Variants in CNNM2 observed in about 807,000 individuals in gnomAD.
CNNM2 encodes cyclin and CBS domain divalent metal cation transport mediator 2.
In CNNM2, 12 loss-of-function variants were observed where a neutral mutation model predicts 66.9. The ratio of observed to expected loss-of-function variants is 0.18; its 90% CI spans 0.11 to 0.29. The LOEUF (loss-of-function observed/expected upper bound fraction) is 0.29, where lower values mean the gene tolerates loss of function less well. CNNM2 is among the 10% of genes least tolerant of loss of function. CNNM2 has a pLI of 1.00. For missense variants in CNNM2, 705 were observed against 1,167.7 expected (o/e 0.60, Z 5.77); for synonymous variants, 557 against 501.8 (o/e 1.11, Z -1.47).
intron 2 of CNNM2, among the ~76,000 whole-genome samples, chr10:103,052,189 G>A (rs985599252): frequency 1.3e-5 from 2 of 151,060 alleles, no homozygotes; most frequent in African/African-American, 4.9e-5. Context: ...GCTGAGGCAG[G>A]AGAATCACTT....
At chr10:102,991,813 A>C (rs75810873) in intron 1 of CNNM2, among the ~76,000 whole-genome samples, 3 of 152,186 alleles carry the variant, frequency 2.0e-5, no homozygotes, top group African/African-American at 7.2e-5. Flanking sequence ...AGATGCTTCT[A>C]AGTGCTTGAG....
intron 1 of CNNM2, among the ~76,000 whole-genome samples, chr10:103,013,940 A>G (rs1215600122): frequency 6.6e-6 from 1 of 152,232 alleles, no homozygotes; most frequent in Non-Finnish European, 1.5e-5. Context: ...ATGAGCTCTC[A>G]TCGTCTAATC....
At chr10:103,028,848 A>C (rs1302794561) in intron 1 of CNNM2, among the ~76,000 whole-genome samples, 3 of 114,360 alleles carry the variant, frequency 2.6e-5, no homozygotes, top group Non-Finnish European at 5.0e-5. Flanking sequence ...TTTTTGAGAC[A>C]GTCTCGCTGT....
At chr10:103,055,712 T>G (rs2065283734) in intron 3 of CNNM2, among the ~76,000 whole-genome samples, 1 of 152,282 alleles carries the variant, frequency 6.6e-6, no homozygotes, top group Non-Finnish European at 1.5e-5. Context: ...CATAAATACA[T>G]AATTAGAAAA....
rs1321440577 is a variant in CNNM2, at chr10:102,929,914, T to G, written c.1621+9813T>G. Among the ~76,000 whole-genome samples the G allele has an allele frequency of 5.3e-4, 80 of 152,172 alleles. 1 individual carries two copies. Among genetic ancestry groups the G allele is most frequent in the Non-Finnish European group, 2.9e-5 (2 of 68,032 alleles). On this transcript the variant is annotated intron_variant, in intron 1 of 7. Transcript: ENST00000369878. The stretch of plus-strand genomic sequence containing the variant: ...CTGATTGCATAAAAAGTATAAAAAA[T>G]GGTAATGCCTAATATAGCAAGTTTG...
chr10:103,005,475 C>T (rs2064207044), intron 1 of CNNM2, among the ~76,000 whole-genome samples: 1 of 150,700 alleles, frequency 6.6e-6, no homozygotes, highest in South Asian at 2.1e-4. Context: ...ATGGTGAAAC[C>T]CCGTCTCTGC....
At chr10:102,983,611 T>A (rs1247156082) in intron 1 of CNNM2, among the ~76,000 whole-genome samples, 3 of 152,032 alleles carry the variant, frequency 2.0e-5, no homozygotes, top group East Asian at 1.9e-4. Flanking sequence ...GCTAGTTTTT[T>A]AAATTTTTGT....
chr10:102,972,650 C>A (rs2063564183), intron 1 of CNNM2, among the ~76,000 whole-genome samples: 1 of 151,980 alleles, frequency 6.6e-6, no homozygotes. Flanking sequence ...AAAAAAGCTC[C>A]CTGATTCTGA....
chr10:103,049,619 G>C (rs1212304764), intron 1 of CNNM2, 88 bp from the exon 2 acceptor site: 1 of 1,206,382 alleles, frequency 8.3e-7, no homozygotes, highest in East Asian at 2.4e-5. Context: ...CGACATCTGT[G>C]TTTGCTGGTG....
intron 4 of CNNM2, among the ~76,000 whole-genome samples, chr10:103,068,030 C>T (rs2065510973): frequency 6.6e-6 from 1 of 152,224 alleles, no homozygotes; most frequent in African/African-American, 2.4e-5. Flanking sequence ...CCATGTCGGC[C>T]CTTGACCCTG....
At chr10:103,006,097 C>T (rs2064220770) in intron 1 of CNNM2, among the ~76,000 whole-genome samples, 1 of 152,176 alleles carries the variant, frequency 6.6e-6, no homozygotes, top group African/African-American at 2.4e-5. Flanking sequence ...TGTTTGGGAC[C>T]TGCAGTTGAA....
chr10:102,982,634 T>G (rs902375751), intron 1 of CNNM2, among the ~76,000 whole-genome samples: 7 of 152,218 alleles, frequency 4.6e-5, no homozygotes, highest in African/African-American at 7.2e-5. Context: ...TTTGTGGCTT[T>G]AGGGCTTTCC....
intron 1 of CNNM2, among the ~76,000 whole-genome samples, chr10:103,017,095 A>G (rs958441298): frequency 6.6e-6 from 1 of 151,998 alleles, no homozygotes; most frequent in African/African-American, 2.4e-5. Flanking sequence ...AGGCCCAACA[A>G]TACTTGGAAA....
intron 1 of CNNM2, among the ~76,000 whole-genome samples, chr10:103,000,081 C>A (rs1200514870): frequency 6.6e-6 from 1 of 151,862 alleles, no homozygotes; most frequent in Non-Finnish European, 1.5e-5. Context: ...ACTAAAAATA[C>A]AAAAATTAGT....
intron 4 of CNNM2, among the ~76,000 whole-genome samples, chr10:103,065,667 T>C (rs1243647553): frequency 6.6e-6 from 1 of 152,156 alleles, no homozygotes; most frequent in Non-Finnish European, 1.5e-5. Flanking sequence ...GAAGTCACCA[T>C]GAGGCTCCAC....
At chr10:103,059,701 A>G (rs553669414) in intron 4 of CNNM2, among the ~76,000 whole-genome samples, 2 of 152,348 alleles carry the variant, frequency 1.3e-5, no homozygotes, top group South Asian at 2.1e-4. Flanking sequence ...AAATAGGAAC[A>G]TGATTTTGGT....
At chr10:102,953,761 A>G (rs963228839) in intron 1 of CNNM2, among the ~76,000 whole-genome samples, 1 of 150,604 alleles carries the variant, frequency 6.6e-6, no homozygotes, top group African/African-American at 2.5e-5. Context: ...GGGTTTTGTC[A>G]TGCTGGCTAG....
In CNNM2 at chr10:102,919,275, G is replaced by T. The variant is rs1260560916; in HGVS notation, c.795G>T (p.Leu265=). ...FWLQVIFISL[L]LCLSGMFSGL... Reference sequence around the variant, plus strand: ...TGCAGGTGATCTTCATTTCGCTGCTGCTGTGCCTGTCGGGCATGTTCAGCG... The same window carrying T: ...TGCAGGTGATCTTCATTTCGCTGCTTCTGTGCCTGTCGGGCATGTTCAGCG... Residue 265 remains leucine, a synonymous_variant, in exon 1 of 8, where the codon CTG becomes CTT. Transcript: ENST00000369878. The T allele has an allele frequency of 6.2e-7, 1 of 1,613,902 alleles. No individual in the cohort carries two copies. The highest frequency in any genetic ancestry group is 8.5e-7 in the Non-Finnish European group (1 of 1,180,048).
intron 1 of CNNM2, among the ~76,000 whole-genome samples, chr10:103,016,123 C>T (rs1047688137): frequency 8.6e-5 from 13 of 151,984 alleles, no homozygotes; most frequent in East Asian, 3.9e-4. Flanking sequence ...TAGATTCCCA[C>T]GCCCCCAAGC....
Sources: gnomAD v4.1 joint callset for allele counts (sites outside exome capture counted in the v4.1 genomes callset) on GRCh38, gnomAD v4.1.1 for gene constraint, MANE v1.5 for transcripts, NCBI Gene and HGNC (gene_info 2026-07-23, HGNC 2026-07-21) for gene names.